TOP1: variants seen among roughly 807,000 people sequenced by gnomAD.
The protein encoded by TOP1 is DNA topoisomerase 1.
Under a neutral mutation model 111.1 loss-of-function variants are expected in TOP1, and 10 were observed. The observed-to-expected ratio is 0.09, with a 90% CI of 0.06 to 0.15. The LOEUF is 0.15. TOP1 is among the 10% of genes least tolerant of loss of function. The pLI, the probability that TOP1 is intolerant of heterozygous loss-of-function variation, is 1.00. For missense variants in TOP1, 474 were observed against 926.7 expected, an observed-to-expected ratio of 0.51 and a Z score of 6.34; for synonymous variants, 271 against 302.9, an observed-to-expected ratio of 0.89 and a Z score of 1.10.
chr20:41,041,380 G>A (rs1252810521), intron 2 of TOP1, among the ~76,000 whole-genome samples: 1 of 147,274 alleles, frequency 6.8e-6, no homozygotes, highest in Non-Finnish European at 1.5e-5. Flanking sequence ...AGCCTAGGAG[G>A]TTGAGGCTGC....
At position 41,124,360 on chromosome 20, in the gene TOP1, T is replaced by C. The variant is rs180776969; in HGVS notation, c.*1063T>C. On this transcript the variant is annotated 3_prime_UTR_variant, in exon 21 of 21. Coordinates refer to ENST00000361337, the MANE Select transcript of TOP1 (RefSeq NM_003286.4). This position sits in a 1 kb window ranked among gnomAD's most constrained non-coding sequence, Gnocchi z 5.4. Reference sequence around the variant, plus strand: ...GCTATAATCATTAGTTTTAGAGGCATTGTTAGTTTAGTGTGTGTGCAGAGT... The same window carrying C: ...GCTATAATCATTAGTTTTAGAGGCACTGTTAGTTTAGTGTGTGTGCAGAGT... The C allele has an allele frequency of 1.2e-4, 27 of 233,340 alleles. No individual in the cohort carries two copies. The East Asian group carries it at 1.5e-3, about 13-fold the overall frequency. The allele number at this position is 233,340 out of a possible 1,614,324, so 14.5% of individuals were successfully genotyped here. A position where few individuals can be genotyped will look rare whatever the true frequency, so the allele number is the denominator to read the frequency against.
chr20:41,101,384 C>G lies in TOP1; in HGVS notation c.1308+31C>G, dbSNP rs751062591. The stretch of plus-strand genomic sequence containing the variant: ...GGGATAGTTGAGAGCTGCACTGGTT[C>G]ATGGTGCTGATAACCTTTTTTTGTT... On this transcript the variant is annotated intron_variant, in intron 13 of 20. Transcript: ENST00000361337. The surrounding 1 kb of genome is among the most constrained non-coding windows in gnomAD (Gnocchi z 4.1). The G allele has an allele frequency of 6.2e-7, 1 of 1,600,280 alleles. No homozygotes were observed. The highest frequency in any genetic ancestry group is 1.7e-5 in the Admixed American group (1 of 59,138).
chr20:41,089,967 C>T (rs976365761), intron 8 of TOP1, among the ~76,000 whole-genome samples: 1 of 151,956 alleles, frequency 6.6e-6, no homozygotes, highest in African/African-American at 2.4e-5. Flanking sequence ...CTTTGCCCCA[C>T]CCCCACGTGT....
chr20:41,057,602 A>T (rs1007190183), intron 2 of TOP1, among the ~76,000 whole-genome samples: 5 of 152,232 alleles, frequency 3.3e-5, no homozygotes, highest in African/African-American at 1.2e-4. Context: ...AGAAAACAAG[A>T]TGAAGTATAT....
At position 41,041,886 on chromosome 20, in the gene TOP1, GTGA is replaced by G. The variant is rs112066961; in HGVS notation, c.58+12451_58+12453del. Reference sequence around the variant, plus strand: ...CAGGTTAAGGTATAAAGCTTACAGGGTGATGATGATGATGATGATGATTATTAT... The same window carrying G: ...CAGGTTAAGGTATAAAGCTTACAGGGTGATGATGATGATGATGATTATTAT... On this transcript the variant is annotated intron_variant, in intron 2 of 20. Transcript: ENST00000361337. Among the ~76,000 whole-genome samples the G allele has an allele frequency of 3.3e-5, 5 of 149,666 alleles. No individual in the cohort carries two copies. In the South Asian group the frequency reaches 8.5e-4, roughly 26 times the overall value.
Position 41,121,893 on chromosome 20 carries a change from C to A in TOP1, c.2045+103C>A. The A allele has an allele frequency of 6.4e-7, 1 of 1,559,514 alleles. No homozygotes were observed. ...CTTTTCGATGGTTTCTGAGAAATGT[C>A]TTTTGGAAATCTCTATACTAGGGCT... On this transcript the variant is annotated intron_variant, in intron 19 of 20. Coordinates refer to ENST00000361337, the MANE Select transcript of TOP1 (RefSeq NM_003286.4). This position sits in a 1 kb window ranked among gnomAD's most constrained non-coding sequence, Gnocchi z 4.2.
intron 3 of TOP1, chr20:41,073,565 A>C: frequency 1.3e-6 from 1 of 779,666 alleles, no homozygotes; most frequent in Non-Finnish European, 1.6e-6. Context: ...CTTAAGCAGT[A>C]GGTATCAATT....
chr20:41,061,477 A>G lies in TOP1; in HGVS notation c.142A>G (p.Lys48Glu). The part of the protein sequence containing the change: ...HKKEKDREKS[K>E]HSNSEHKDSE... Reference sequence around the variant, plus strand: ...GAAGGAGAAGGACCGGGAAAAGTCCAAGCATAGCAACAGGTAAGGGTGGAA... The same window carrying G: ...GAAGGAGAAGGACCGGGAAAAGTCCGAGCATAGCAACAGGTAAGGGTGGAA... Residue 48 changes from lysine (K) to glutamate (E), a missense_variant, in exon 3 of 21, where the codon AAG becomes GAG. Around this residue, in one of 14 missense-constraint regions of TOP1, gnomAD observed 185 missense variants for 226.3 expected, o/e 0.82. Transcript: ENST00000361337. The surrounding 1 kb of genome is among the most constrained non-coding windows in gnomAD (Gnocchi z 4.6). 1 of 1,600,366 alleles carries G rather than the reference A, an allele frequency of 6.2e-7. No individual in the cohort carries two copies.
At chr20:41,064,461 C>G (rs901357998) in intron 3 of TOP1, among the ~76,000 whole-genome samples, 1 of 152,212 alleles carries the variant, frequency 6.6e-6, no homozygotes, top group South Asian at 2.1e-4. Flanking sequence ...CCTTTTTCAC[C>G]TCTTTCTAAT....
rs1481361772 is a variant in TOP1 at position 41,064,627 on chromosome 20, G to C, written c.155+3137G>C. Among the ~76,000 whole-genome samples the C allele has an allele frequency of 1.3e-5, 2 of 152,254 alleles. 1 individual carries two copies. Among genetic ancestry groups the C allele is most frequent in the South Asian group, 4.1e-4 (2 of 4,826 alleles). On this transcript the variant is annotated intron_variant, in intron 3 of 20. Transcript: ENST00000361337. ...ATGCCGCTAAGCCTTTAAACATGCTGTTGGTTCTGTAATACTCTCTTGCCC... is the reference window on the plus strand; with the variant it reads ...ATGCCGCTAAGCCTTTAAACATGCTCTTGGTTCTGTAATACTCTCTTGCCC...
intron 2 of TOP1, among the ~76,000 whole-genome samples, chr20:41,057,892 T>C (rs760071394): frequency 8.5e-5 from 13 of 152,236 alleles, no homozygotes; most frequent in Non-Finnish European, 1.5e-4. Flanking sequence ...GTCATTATTA[T>C]GATTTTAGCC....
chr20:41,053,134 G>T (rs1361017609), intron 2 of TOP1, among the ~76,000 whole-genome samples: 1 of 152,124 alleles, frequency 6.6e-6, no homozygotes, highest in African/African-American at 2.4e-5. Flanking sequence ...ACTTAATTTT[G>T]CTCATTCAGG....
chr20:41,065,319 C>T (rs2033593698), intron 3 of TOP1, among the ~76,000 whole-genome samples: 5 of 152,018 alleles, frequency 3.3e-5, no homozygotes. Flanking sequence ...ACATTAATTC[C>T]CATCTCTCTT....
At chr20:41,065,228 C>T (rs2033592888) in intron 3 of TOP1, among the ~76,000 whole-genome samples, 1 of 152,130 alleles carries the variant, frequency 6.6e-6, no homozygotes, top group Non-Finnish European at 1.5e-5. Context: ...TTGCATCCTT[C>T]AGGCTTAGTA....
At position 41,079,085 on chromosome 20, in the gene TOP1, C is replaced by T. The variant is rs545790113; in HGVS notation, c.336-1000C>T. On this transcript the variant is annotated intron_variant, in intron 5 of 20. Transcript: ENST00000361337. The surrounding 1 kb of genome is among the most constrained non-coding windows in gnomAD (Gnocchi z 4.0). ...TAGAAGCTGGCATTTGGTTAGGGTGCTAAAATAAGTTCTTTAAACATTCAA... is the reference window on the plus strand; with the variant it reads ...TAGAAGCTGGCATTTGGTTAGGGTGTTAAAATAAGTTCTTTAAACATTCAA... Among the ~76,000 whole-genome samples, 1 of 152,146 alleles carries T rather than the reference C, an allele frequency of 6.6e-6. No individual in the cohort carries two copies. The highest frequency in any genetic ancestry group is 1.5e-5 in the Non-Finnish European group (1 of 68,022).
chr20:41,120,887 A>G (rs1238824952), intron 18 of TOP1, among the ~76,000 whole-genome samples: 2 of 152,058 alleles, frequency 1.3e-5, no homozygotes, highest in African/African-American at 4.8e-5. Flanking sequence ...GACTACAGGC[A>G]CCCACCACCA....
In TOP1 at chr20:41,076,155, A is replaced by T; in HGVS notation, c.156-16A>T. On this transcript the variant is annotated splice_polypyrimidine_tract_variant and intron_variant, in intron 3 of 20. Transcript: ENST00000361337. ...CCCTACTCTGGGCTAACGCTTTGTG[A>T]CTTAACTTTTTACAGTGAACATAAA... The T allele has an allele frequency of 6.2e-7, 1 of 1,604,520 alleles. No homozygotes were observed. The highest frequency in any genetic ancestry group is 8.5e-7 in the Non-Finnish European group (1 of 1,176,604).
intron 2 of TOP1, among the ~76,000 whole-genome samples, chr20:41,039,799 T>TG (rs2033238043): frequency 6.6e-6 from 1 of 151,806 alleles, no homozygotes; most frequent in African/African-American, 2.4e-5. Context: ...TCCAGCTACT[T>TG]GGGAGGCTGA....
rs764475223 is a variant in TOP1, at chr20:41,101,365, G to A, written c.1308+12G>A. ...GTTCACGAATCAAGGTAAGGGGATA[G>A]TTGAGAGCTGCACTGGTTCATGGTG... On this transcript the variant is annotated intron_variant, in intron 13 of 20. Coordinates refer to ENST00000361337, the MANE Select transcript of TOP1 (RefSeq NM_003286.4). The surrounding 1 kb of genome is among the most constrained non-coding windows in gnomAD (Gnocchi z 4.1). 3 of 1,613,236 alleles carry A rather than the reference G, an allele frequency of 1.9e-6. No individual in the cohort carries two copies. The South Asian group carries it at 3.3e-5, about 18-fold the overall frequency.
Sources: allele counts gnomAD v4.1 joint callset (sites outside exome capture counted in the v4.1 genomes callset), GRCh38; gene constraint gnomAD v4.1.1; regional missense constraint gnomAD v4.1.1; non-coding constraint Gnocchi (gnomAD v3.1); transcripts MANE v1.5; gene names NCBI Gene and HGNC (gene_info 2026-07-23, HGNC 2026-07-21).